The following PPP1R14C variants were observed in gnomAD, a reference collection of about 807,000 sequenced individuals.
PPP1R14C encodes the protein protein phosphatase 1 regulatory subunit 14C.
In PPP1R14C, 16 loss-of-function variants were observed where a neutral mutation model predicts 20.4. The ratio of observed to expected loss-of-function variants is 0.78; its 90% confidence interval spans 0.53 to 1.19. The LOEUF (loss-of-function observed/expected upper bound fraction) is 1.19, where lower values mean the gene tolerates loss of function less well. Among genes scored for constraint, PPP1R14C ranks in the 50% most tolerant of loss-of-function variants. PPP1R14C has a pLI of 0.00. For synonymous variants in PPP1R14C, 91 were observed against 91.0 expected (o/e 1.00, Z 0.00); for missense variants, 211 against 220.1 (o/e 0.96, Z 0.26).
chr6:150,226,961 T>C (rs1778237540), intron 3 of PPP1R14C, among the ~76,000 whole-genome samples: 1 of 152,238 alleles, frequency 6.6e-6, no homozygotes, highest in Admixed American at 6.5e-5. Flanking sequence ...AAGGCAGGCC[T>C]GCTCTGCTGT....
At chr6:150,179,181 G>A (rs1301085042) in intron 1 of PPP1R14C, among the ~76,000 whole-genome samples, 2 of 152,124 alleles carry the variant, frequency 1.3e-5, no homozygotes, top group Non-Finnish European at 2.9e-5. Context: ...CAAGCTAGGG[G>A]CGCTGCTTGA....
chr6:150,174,353 G>A lies in PPP1R14C; in HGVS notation c.306+30855G>A, dbSNP rs528734004. On this transcript the variant is annotated intron_variant, in intron 1 of 3. Coordinates refer to ENST00000361131, the MANE Select transcript of PPP1R14C (RefSeq NM_030949.3). ...TCCTGCCTCAGCCTCCTGAGTAGCTGGGACTACCGGTGCCCCCCACCACTC... is the reference window on the plus strand; with the variant it reads ...TCCTGCCTCAGCCTCCTGAGTAGCTAGGACTACCGGTGCCCCCCACCACTC... 3.9e-5 allele frequency among the ~76,000 whole-genome samples: 6 copies of A among 152,104 alleles called. 1 individual carries two copies. In the South Asian group the frequency reaches 1.0e-3, roughly 26 times the overall value.
chr6:150,190,327 C>T (rs972826887), intron 1 of PPP1R14C, among the ~76,000 whole-genome samples: 1 of 151,974 alleles, frequency 6.6e-6, no homozygotes, highest in Non-Finnish European at 1.5e-5. Flanking sequence ...CCCCACTTTT[C>T]TCCACGGCAC....
intron 1 of PPP1R14C, chr6:150,194,718 A>G (rs941028196): frequency 1.0e-6 from 1 of 985,344 alleles, no homozygotes; most frequent in African/African-American, 1.7e-5. Flanking sequence ...TTGTTCAGCT[A>G]TAAAACGTAA....
intron 1 of PPP1R14C, among the ~76,000 whole-genome samples, chr6:150,211,919 G>A (rs1467638462): frequency 2.6e-5 from 4 of 152,192 alleles, no homozygotes; most frequent in African/African-American, 7.2e-5. Context: ...GGCTGTTAAC[G>A]ATGACTCAAT....
At chr6:150,149,963 A>G (rs778682964) in intron 1 of PPP1R14C, among the ~76,000 whole-genome samples, 1 of 152,198 alleles carries the variant, frequency 6.6e-6, no homozygotes, top group Non-Finnish European at 1.5e-5. Flanking sequence ...TGTGCAGGGA[A>G]GTTAGACTGT....
intron 3 of PPP1R14C, among the ~76,000 whole-genome samples, chr6:150,241,365 T>TA (rs1778429130): frequency 6.6e-6 from 1 of 152,210 alleles, no homozygotes; most frequent in Non-Finnish European, 1.5e-5. Flanking sequence ...ATCACATCCT[T>TA]TATTAATGTA....
rs745970011 is a variant in PPP1R14C at position 150,143,534 on chromosome 6, C to G, written c.306+36C>G. On this transcript the variant is annotated intron_variant, in intron 1 of 3. Coordinates refer to ENST00000361131, the MANE Select transcript of PPP1R14C (RefSeq NM_030949.3). The surrounding 1 kb of genome is among the most constrained non-coding windows in gnomAD (Gnocchi z 5.6). The stretch of plus-strand genomic sequence containing the variant: ...GCGGGGCTGGGAGGGTCGGGGACCT[C>G]TCTAGCTCCTCTGTGCCCGCGCAGT... The G allele has an allele frequency of 1.3e-5, 18 of 1,360,066 alleles. No homozygotes were observed. In the South Asian group the frequency reaches 2.2e-4, roughly 17 times the overall value. 84.2% of individuals were successfully genotyped at this position (1,360,066 alleles called of 1,614,324 possible). A position where few individuals can be genotyped will look rare whatever the true frequency, so the allele number is the denominator to read the frequency against.
At chr6:150,248,438 G>T (rs1212869348) in intron 3 of PPP1R14C, among the ~76,000 whole-genome samples, 1 of 152,194 alleles carries the variant, frequency 6.6e-6, no homozygotes, top group African/African-American at 2.4e-5. Context: ...TAATTTATTT[G>T]CATGGTAATG....
Position 150,143,076 on chromosome 6 carries a change from A to G in PPP1R14C, c.-117A>G, listed in dbSNP as rs926174502. 2 of 1,099,728 alleles carry G rather than the reference A, an allele frequency of 1.8e-6. No homozygotes were observed. Among genetic ancestry groups the G allele is most frequent in the African/African-American group, 3.4e-5 (2 of 59,662 alleles). The allele number at this position is 1,099,728 out of a possible 1,614,324, so 68.1% of individuals were successfully genotyped here. On this transcript the variant is annotated 5_prime_UTR_variant, in exon 1 of 4. Coordinates refer to ENST00000361131, the MANE Select transcript of PPP1R14C (RefSeq NM_030949.3). This position sits in a 1 kb window ranked among gnomAD's most constrained non-coding sequence, Gnocchi z 5.6. ...CCGGGCGGCTGGGCGCGCGCGGCGC[A>G]GAGCAGGTGCCGGGGAGCCCTTCGC...
intron 1 of PPP1R14C, among the ~76,000 whole-genome samples, chr6:150,163,467 C>T (rs1187217057): frequency 6.6e-6 from 1 of 152,152 alleles, no homozygotes; most frequent in East Asian, 1.9e-4. Context: ...TGTAAGTGCA[C>T]AGTTGATGAA....
chr6:150,145,527 C>T (rs1777171670), intron 1 of PPP1R14C, among the ~76,000 whole-genome samples: 1 of 152,144 alleles, frequency 6.6e-6, no homozygotes, highest in South Asian at 2.1e-4. Context: ...AATAAAGAAA[C>T]ATGGGCAAAT....
intron 1 of PPP1R14C, among the ~76,000 whole-genome samples, chr6:150,208,884 C>A (rs1334464201): frequency 6.6e-6 from 1 of 152,154 alleles, no homozygotes; most frequent in East Asian, 1.9e-4. Context: ...TGCTTGCTTA[C>A]AGGAATTATT....
intron 1 of PPP1R14C, among the ~76,000 whole-genome samples, chr6:150,198,679 T>C (rs765455802): frequency 6.6e-6 from 1 of 152,228 alleles, no homozygotes; most frequent in Non-Finnish European, 1.5e-5. Flanking sequence ...GAAGCAAAGA[T>C]GAGCAGTGGC....
At chr6:150,183,140 C>CATGTTGT (rs1777640522) in intron 1 of PPP1R14C, among the ~76,000 whole-genome samples, 2 of 151,376 alleles carry the variant, frequency 1.3e-5, no homozygotes, top group East Asian at 3.9e-4. Flanking sequence ...TTAATTCTAT[C>CATGTTGT]TTTCATGATT....
At position 150,249,652 on chromosome 6, in the gene PPP1R14C, G is replaced by C. The variant is rs534241280; in HGVS notation, c.*832G>C. 1.5e-5 allele frequency: 6 copies of C among 397,974 alleles called. No homozygotes were observed. Among genetic ancestry groups the C allele is most frequent in the Admixed American group, 1.3e-4 (3 of 22,714 alleles). 24.7% of individuals were successfully genotyped at this position (397,974 alleles called of 1,614,324 possible). ...CACTATCTCAGTGGTATTTTGCATTGGAAAAAGGAAGCACTGTGTAGCAGT... is the reference window on the plus strand; with the variant it reads ...CACTATCTCAGTGGTATTTTGCATTCGAAAAAGGAAGCACTGTGTAGCAGT... On this transcript the variant is annotated 3_prime_UTR_variant, in exon 4 of 4. Coordinates refer to ENST00000361131, the MANE Select transcript of PPP1R14C (RefSeq NM_030949.3).
chr6:150,229,678 G>C (rs904211785), intron 3 of PPP1R14C, among the ~76,000 whole-genome samples: 3 of 152,150 alleles, frequency 2.0e-5, no homozygotes, highest in Non-Finnish European at 4.4e-5. Context: ...GTGGTTTTAA[G>C]TTAAAGGAGG....
chr6:150,152,722 C>G (rs1321640368), intron 1 of PPP1R14C, among the ~76,000 whole-genome samples: 1 of 152,182 alleles, frequency 6.6e-6, no homozygotes, highest in East Asian at 1.9e-4. Flanking sequence ...GTCCCTCTTT[C>G]TGTAATCCTG....
chr6:150,243,016 A>G (rs970885215), intron 3 of PPP1R14C, among the ~76,000 whole-genome samples: 24 of 152,224 alleles, frequency 1.6e-4, no homozygotes, highest in Non-Finnish European at 3.2e-4. Context: ...CATTGCTGAG[A>G]TAAGTTAGTT....
Sources: gnomAD v4.1 joint callset for allele counts (sites outside exome capture counted in the v4.1 genomes callset) on GRCh38, gnomAD v4.1.1 for gene constraint, Gnocchi (gnomAD v3.1) non-coding constraint, MANE v1.5 for transcripts, NCBI Gene and HGNC (gene_info 2026-07-23, HGNC 2026-07-21) for gene names.